PTPRD: variants seen among roughly 807,000 people sequenced by gnomAD.
The protein encoded by PTPRD is protein tyrosine phosphatase receptor type D, also known as receptor-type tyrosine-protein phosphatase delta.
Under a neutral mutation model 214.5 loss-of-function variants are expected in PTPRD, and 34 were observed. The ratio of observed to expected loss-of-function variants is 0.16; its 90% CI spans 0.12 to 0.21. The LOEUF is 0.21. Among genes scored for constraint, PTPRD ranks in the 10% least tolerant of loss-of-function variants. The probability of loss-of-function intolerance (pLI) is 1.00; values close to 1 mark genes in which losing one functional copy is unlikely to be tolerated. For synonymous variants in PTPRD, 1,128 were observed against 845.7 expected, an observed-to-expected ratio of 1.33 and a Z score of -5.79; for missense variants, 2,545 against 2,398.7, an observed-to-expected ratio of 1.06 and a Z score of -1.27.
intron 3 of PTPRD, among the ~76,000 whole-genome samples, chr9:10,288,438 A>C (rs1022448807): frequency 1.3e-5 from 2 of 152,182 alleles, no homozygotes; most frequent in Non-Finnish European, 2.9e-5. Flanking sequence ...TTAATGACCC[A>C]AGTAAAGAAA....
chr9:8,572,044 CTGTT>C (rs947880527), intron 14 of PTPRD, among the ~76,000 whole-genome samples: 1 of 152,066 alleles, frequency 6.6e-6, no homozygotes, highest in African/African-American at 2.4e-5. Context: ...TGTGGCAACT[CTGTT>C]TGACACCGCA....
At chr9:9,940,846 C>T (rs193062429) in intron 4 of PTPRD, among the ~76,000 whole-genome samples, 1 of 152,212 alleles carries the variant, frequency 6.6e-6, no homozygotes, top group Non-Finnish European at 1.5e-5. Context: ...AACTCTTGCT[C>T]ATATTTTACA....
intron 12 of PTPRD, among the ~76,000 whole-genome samples, chr9:8,688,679 T>A (rs1350199144): frequency 6.6e-6 from 1 of 152,012 alleles, no homozygotes; most frequent in African/African-American, 2.4e-5. Context: ...ATTCTTCAGG[T>A]TTCTTATTCA....
intron 3 of PTPRD, among the ~76,000 whole-genome samples, chr9:10,258,347 T>C (rs2093439450): frequency 6.6e-6 from 1 of 152,118 alleles, no homozygotes; most frequent in African/African-American, 2.4e-5. Flanking sequence ...TAATGTGGTC[T>C]CACCAGGTTG....
intron 2 of PTPRD, among the ~76,000 whole-genome samples, chr9:10,370,266 T>C (rs1049087649): frequency 8.5e-5 from 13 of 152,070 alleles, no homozygotes; most frequent in African/African-American, 3.1e-4. Flanking sequence ...GTGAATGTAA[T>C]CAGTGAAAGG....
intron 11 of PTPRD, among the ~76,000 whole-genome samples, chr9:8,870,712 A>ACACACACACACACACACACACG (rs1566745255): frequency 2.0e-5 from 3 of 151,088 alleles, no homozygotes; most frequent in Non-Finnish European, 3.0e-5. Context: ...ACACACACAC[A>ACACACACACACACACACACACG]CACACACACA....
chr9:8,765,537 A>G (rs2154479793), intron 11 of PTPRD, among the ~76,000 whole-genome samples: 1 of 152,312 alleles, frequency 6.6e-6, no homozygotes, highest in Admixed American at 6.5e-5. Flanking sequence ...CCAAAAGCCA[A>G]GTAGCAGAGC....
rs550647134 is a variant in PTPRD, at chr9:9,447,007, A to G, written c.-236-49525T>C. ...TCAGAATGGCTATTATAAAATGTCA[A>G]TAATATAACAAGTGCTGGCAAGGCT... is the stretch of plus-strand genomic sequence containing the variant. On this transcript the variant is annotated intron_variant, in intron 8 of 45. Transcript: ENST00000381196. Among the ~76,000 whole-genome samples the G allele has an allele frequency of 3.9e-5, 6 of 152,330 alleles. 1 individual carries two copies. In the South Asian group the frequency reaches 1.2e-3, roughly 32 times the overall value.
chr9:9,605,233 A>C (rs572652344), intron 7 of PTPRD, among the ~76,000 whole-genome samples: 1 of 152,196 alleles, frequency 6.6e-6, no homozygotes, highest in Admixed American at 6.5e-5. Flanking sequence ...ATAAAGTAAA[A>C]TTTAGAAAAC....
chr9:9,313,686 G>C (rs1479248929), intron 9 of PTPRD, among the ~76,000 whole-genome samples: 1 of 152,140 alleles, frequency 6.6e-6, no homozygotes, highest in Non-Finnish European at 1.5e-5. Context: ...GTCAGGCAGA[G>C]AAGGTGTTTA....
intron 2 of PTPRD, among the ~76,000 whole-genome samples, chr9:10,346,725 T>A (rs569816020): frequency 6.6e-6 from 1 of 152,144 alleles, no homozygotes; most frequent in African/African-American, 2.4e-5. Flanking sequence ...TGAGAGAGGA[T>A]ATCTTGTTTT....
chr9:8,358,266 T>C (rs2077465656), intron 39 of PTPRD, among the ~76,000 whole-genome samples: 1 of 151,840 alleles, frequency 6.6e-6, no homozygotes. Context: ...CACTTTAAAA[T>C]TCCCCCCATC....
intron 3 of PTPRD, among the ~76,000 whole-genome samples, chr9:10,036,357 G>A (rs898634409): frequency 6.6e-6 from 1 of 151,872 alleles, no homozygotes; most frequent in Admixed American, 6.6e-5. Context: ...TGTTAAGCCT[G>A]GATAAACATT....
chr9:10,260,808 C>A (rs909019790), intron 3 of PTPRD, among the ~76,000 whole-genome samples: 1 of 151,962 alleles, frequency 6.6e-6, no homozygotes, highest in Non-Finnish European at 1.5e-5. Flanking sequence ...TTGTTCTGCA[C>A]ATGATTACAA....
chr9:9,906,493 A>AT (rs2077600949), intron 5 of PTPRD, among the ~76,000 whole-genome samples: 1 of 151,842 alleles, frequency 6.6e-6, no homozygotes, highest in Admixed American at 6.6e-5. Flanking sequence ...CTTTTCGTTT[A>AT]TTTTCTGTTA....
intron 2 of PTPRD, among the ~76,000 whole-genome samples, chr9:10,551,002 T>C (rs1431716554): frequency 6.6e-6 from 1 of 152,196 alleles, no homozygotes; most frequent in Non-Finnish European, 1.5e-5. Context: ...CAGGTCTCCC[T>C]TAATAGCATG....
At chr9:8,834,346 T>G (rs1421565817) in intron 11 of PTPRD, among the ~76,000 whole-genome samples, 6 of 152,162 alleles carry the variant, frequency 3.9e-5, no homozygotes, top group African/African-American at 1.4e-4. Flanking sequence ...AAAAATCTGA[T>G]GATTCACATG....
intron 3 of PTPRD, among the ~76,000 whole-genome samples, chr9:10,167,190 T>C (rs1037829196): frequency 1.3e-5 from 2 of 151,956 alleles, no homozygotes; most frequent in African/African-American, 2.4e-5. Context: ...CTGATGTGTA[T>C]TTCAGAGAGA....
chr9:10,087,658 A>T (rs2098368016), intron 3 of PTPRD, among the ~76,000 whole-genome samples: 1 of 151,716 alleles, frequency 6.6e-6, no homozygotes, highest in Non-Finnish European at 1.5e-5. Flanking sequence ...AAGGAAATTA[A>T]GCATTCATCT....
Sources: gnomAD v4.1 joint callset for allele counts (sites outside exome capture counted in the v4.1 genomes callset) on GRCh38, gnomAD v4.1.1 for gene constraint, MANE v1.5 for transcripts, NCBI Gene and HGNC (gene_info 2026-07-23, HGNC 2026-07-21) for gene names.